The following NUDC variants were observed in gnomAD, a reference collection of about 807,000 sequenced individuals.
NUDC encodes the protein nuclear distribution C, dynein complex regulator.
NUDC carries 14 observed loss-of-function variants against 45.0 expected under a neutral mutation model. The observed-to-expected ratio is 0.31, with a 90% CI of 0.21 to 0.49. The LOEUF (loss-of-function observed/expected upper bound fraction) is 0.49, where lower values mean the gene tolerates loss of function less well. NUDC is among the 20% of genes least tolerant of loss of function. NUDC has a pLI of 0.99. For synonymous variants in NUDC, 153 were observed against 156.7 expected (o/e 0.98, Z 0.17); for missense variants, 323 against 426.2 (o/e 0.76, Z 2.13).
At chr1:26,942,218 G>A (rs530615512) in intron 4 of NUDC, among the ~76,000 whole-genome samples, 26 of 152,224 alleles carry the variant, frequency 1.7e-4, no homozygotes, top group Admixed American at 2.6e-4. Context: ...TTGAACCCGG[G>A]AGGCGGAGGT....
upstream of NUDC, among the ~76,000 whole-genome samples, chr1:26,921,490 A>C (rs1401569022): frequency 6.6e-6 from 1 of 152,200 alleles, no homozygotes; most frequent in Non-Finnish European, 1.5e-5. Context: ...ACCCTGCCAG[A>C]TTTGAGTCCA....
chr1:26,927,590 G>C (rs573939007), intron 2 of NUDC, among the ~76,000 whole-genome samples: 15 of 151,768 alleles, frequency 9.9e-5, no homozygotes, highest in Admixed American at 6.6e-4. Flanking sequence ...TAGAGCCGGG[G>C]TTTCACCATG....
intron 3 of NUDC, among the ~76,000 whole-genome samples, chr1:26,914,483 A>G (rs1264491280): frequency 1.3e-5 from 2 of 152,080 alleles, no homozygotes; most frequent in African/African-American, 2.4e-5. Context: ...AGCAGGCTAC[A>G]GGGAAGGGAG....
intron 2 of NUDC, among the ~76,000 whole-genome samples, chr1:26,938,577 A>G (rs1181683099): frequency 6.6e-6 from 1 of 152,054 alleles, no homozygotes; most frequent in East Asian, 1.9e-4. Context: ...AACCTTGTAG[A>G]GTGTGGAGCT....
At chr1:26,938,404 A>C (rs1170693779) in intron 2 of NUDC, among the ~76,000 whole-genome samples, 1 of 152,148 alleles carries the variant, frequency 6.6e-6, no homozygotes, top group East Asian at 1.9e-4. Flanking sequence ...CTGGTTGGCA[A>C]ATGCCTTTAG....
At position 26,945,561 on chromosome 1, in the gene NUDC, C is replaced by A; in HGVS notation, c.826-7C>A. 3 of 1,612,930 alleles carry A rather than the reference C, an allele frequency of 1.9e-6. No homozygotes were observed. The African/African-American group carries it at 4.0e-5, about 22-fold the overall frequency. ...CTTCACCGATTCCTGTCACTGCCTG[C>A]CCTCAGCTGTCAGACCTGGACAGTG... On this transcript the variant is annotated splice_polypyrimidine_tract_variant and splice_region_variant and intron_variant, in intron 7 of 8. Transcript: ENST00000321265.
At position 26,946,367 on chromosome 1, in the gene NUDC, C is replaced by G. The variant is rs528784223; in HGVS notation, c.*186C>G. 72 of 652,832 alleles carry G rather than the reference C, an allele frequency of 1.1e-4. No individual in the cohort carries two copies. The highest frequency in any genetic ancestry group is 1.0e-3 in the African/African-American group (55 of 55,156). The allele number at this position is 652,832 out of a possible 1,614,324, so 40.4% of individuals were successfully genotyped here. On this transcript the variant is annotated 3_prime_UTR_variant, in exon 9 of 9. Coordinates refer to ENST00000321265, the MANE Select transcript of NUDC (RefSeq NM_006600.4). Reference sequence around the variant, plus strand: ...GACCTTGTCCTCCCCAGTTGGCCTACTGTTACACATTAAAACGATTTGCCC... The same window carrying G: ...GACCTTGTCCTCCCCAGTTGGCCTAGTGTTACACATTAAAACGATTTGCCC...
intron 2 of NUDC, among the ~76,000 whole-genome samples, chr1:26,929,390 T>C (rs893627882): frequency 6.8e-6 from 1 of 147,640 alleles, no homozygotes; most frequent in African/African-American, 2.5e-5. Context: ...CTGGGCAACA[T>C]AGCAAGACCC....
At chr1:26,906,887 A>G (rs2082005147) in intron 2 of NUDC, among the ~76,000 whole-genome samples, 1 of 151,974 alleles carries the variant, frequency 6.6e-6, no homozygotes, top group South Asian at 2.1e-4. Context: ...AAATAAATAA[A>G]TGTTAATGTG....
Position 26,946,344 on chromosome 1 carries a change from C to G in NUDC, c.*163C>G. 1 of 702,434 alleles carries G rather than the reference C, an allele frequency of 1.4e-6. No homozygotes were observed. 43.5% of individuals were successfully genotyped at this position (702,434 alleles called of 1,614,324 possible). A position where few individuals can be genotyped will look rare whatever the true frequency, so the allele number is the denominator to read the frequency against. On this transcript the variant is annotated 3_prime_UTR_variant, in exon 9 of 9. Transcript: ENST00000321265. Reference sequence around the variant, plus strand: ...TCAGGAGAAAGGCTGGGTCTTGGGACCTTGTCCTCCCCAGTTGGCCTACTG... The same window carrying G: ...TCAGGAGAAAGGCTGGGTCTTGGGAGCTTGTCCTCCCCAGTTGGCCTACTG...
At chr1:26,937,194 C>T (rs1405405742) in intron 2 of NUDC, among the ~76,000 whole-genome samples, 1 of 152,178 alleles carries the variant, frequency 6.6e-6, no homozygotes, top group Admixed American at 6.5e-5. Flanking sequence ...GCCTCCGTAC[C>T]CTCTCTGGGT....
Position 26,946,525 on chromosome 1 carries a change from C to T in NUDC, c.*344C>T. 2.7e-6 allele frequency: 1 copy of T among 368,292 alleles called. No individual in the cohort carries two copies. Among genetic ancestry groups the T allele is most frequent in the South Asian group, 2.5e-5 (1 of 40,490 alleles). The allele number at this position is 368,292 out of a possible 1,614,324, so 22.8% of individuals were successfully genotyped here. A position where few individuals can be genotyped will look rare whatever the true frequency, so the allele number is the denominator to read the frequency against. ...TGACCTAGGGCACATCCTTGCCCCTCTCTGGGCCTCAGTTTCTCATTACTT... is the reference window on the plus strand; with the variant it reads ...TGACCTAGGGCACATCCTTGCCCCTTTCTGGGCCTCAGTTTCTCATTACTT... On this transcript the variant is annotated 3_prime_UTR_variant, in exon 9 of 9. Coordinates refer to ENST00000321265, the MANE Select transcript of NUDC (RefSeq NM_006600.4).
upstream of NUDC, among the ~76,000 whole-genome samples, chr1:26,919,895 A>T (rs1345613503): frequency 6.6e-6 from 1 of 152,208 alleles, no homozygotes; most frequent in Non-Finnish European, 1.5e-5. Flanking sequence ...CTATGAAGAC[A>T]TTGCTGGGGT....
intron 2 of NUDC, among the ~76,000 whole-genome samples, chr1:26,930,333 C>G (rs2082170248): frequency 6.6e-6 from 1 of 152,164 alleles, no homozygotes; most frequent in African/African-American, 2.4e-5. Flanking sequence ...CCACACCCAG[C>G]TAATTTTTGT....
rs1300102163 is a variant in NUDC at position 26,946,505 on chromosome 1, T to C, written c.*324T>C. Reference sequence around the variant, plus strand: ...CTAGCCCAGATTCTGCCATGTGACCTAGGGCACATCCTTGCCCCTCTCTGG... The same window carrying C: ...CTAGCCCAGATTCTGCCATGTGACCCAGGGCACATCCTTGCCCCTCTCTGG... On this transcript the variant is annotated 3_prime_UTR_variant, in exon 9 of 9. Coordinates refer to ENST00000321265, the MANE Select transcript of NUDC (RefSeq NM_006600.4). 4 of 415,054 alleles carry C rather than the reference T, an allele frequency of 9.6e-6. No individual in the cohort carries two copies. The highest frequency in any genetic ancestry group is 1.8e-5 in the Non-Finnish European group (4 of 220,360). 25.7% of individuals were successfully genotyped at this position (415,054 alleles called of 1,614,324 possible).
rs572324993 is a variant in NUDC at position 26,946,573 on chromosome 1, C to T, written c.*392C>T. The stretch of plus-strand genomic sequence containing the variant: ...CTTAAAGATTAAAACAAGGCTTGGC[C>T]GGGTGTGATGGTTCATGTCTGTAAT... On this transcript the variant is annotated 3_prime_UTR_variant, in exon 9 of 9. Coordinates refer to ENST00000321265, the MANE Select transcript of NUDC (RefSeq NM_006600.4). 16 of 311,324 alleles carry T rather than the reference C, an allele frequency of 5.1e-5. No homozygotes were observed. In the East Asian group the frequency reaches 8.3e-4, roughly 16 times the overall value. 19.3% of individuals were successfully genotyped at this position (311,324 alleles called of 1,614,324 possible). A position where few individuals can be genotyped will look rare whatever the true frequency, so the allele number is the denominator to read the frequency against.
intron 2 of NUDC, among the ~76,000 whole-genome samples, chr1:26,905,441 G>A (rs541390509): frequency 7.0e-4 from 106 of 152,208 alleles, no homozygotes; most frequent in Middle Eastern, 6.8e-3. Context: ...GATTACAGGC[G>A]TGAGCCCAGC....
upstream of NUDC, chr1:26,921,623 TGGTC>T: frequency 3.4e-6 from 2 of 591,558 alleles, no homozygotes; most frequent in East Asian, 5.7e-5. Flanking sequence ...TGTCGACCAA[TGGTC>T]GGCGAAGCGG....
chr1:26,909,895 G>A (rs916815181), intron 2 of NUDC, among the ~76,000 whole-genome samples: 2 of 152,060 alleles, frequency 1.3e-5, no homozygotes, highest in Non-Finnish European at 2.9e-5. Context: ...GGTCCTGGTG[G>A]GGACAGTTGT....
Sources: gnomAD v4.1 joint callset for allele counts (sites outside exome capture counted in the v4.1 genomes callset) on GRCh38, gnomAD v4.1.1 for gene constraint, MANE v1.5 for transcripts, NCBI Gene and HGNC (gene_info 2026-07-23, HGNC 2026-07-21) for gene names.